The following ZCWPW2 variants were observed in gnomAD, a reference collection of about 807,000 sequenced individuals.
The protein encoded by ZCWPW2 is zinc finger CW-type PWWP domain protein 2.
In ZCWPW2, 45 loss-of-function variants were observed where a neutral mutation model predicts 46.6. The observed-to-expected ratio is 0.96, with a 90% confidence interval of 0.76 to 1.24. The LOEUF is 1.24. Ranked by LOEUF, ZCWPW2 falls within the 50% of genes most tolerant of loss-of-function variation. The pLI is 0.00. For synonymous variants in ZCWPW2, 152 were observed against 137.1 expected, an observed-to-expected ratio of 1.11 and a Z score of -0.76; for missense variants, 429 against 403.9, an observed-to-expected ratio of 1.06 and a Z score of -0.53.
At position 28,349,065 on chromosome 3, in the gene ZCWPW2, G is replaced by A; in HGVS notation, c.-272G>A. 1.0e-6 allele frequency: 1 copy of A among 985,810 alleles called. No homozygotes were observed. The highest frequency in any genetic ancestry group is 1.2e-6 in the Non-Finnish European group (1 of 830,202). The allele number at this position is 985,810 out of a possible 1,614,324, so 61.1% of individuals were successfully genotyped here. On this transcript the variant is annotated 5_prime_UTR_variant, in exon 1 of 10. Coordinates refer to ENST00000383768, the MANE Select transcript of ZCWPW2 (RefSeq NM_001040432.4). Reference sequence around the variant, plus strand: ...AGTCAGGCCCGAGGGAGCTGGGAGGGCGTTAGCGAAGCCAGGTTCGGTCGT... The same window carrying A: ...AGTCAGGCCCGAGGGAGCTGGGAGGACGTTAGCGAAGCCAGGTTCGGTCGT...
intron 4 of ZCWPW2, among the ~76,000 whole-genome samples, chr3:28,446,696 A>G (rs1480624132): frequency 6.6e-6 from 1 of 152,130 alleles, no homozygotes; most frequent in Non-Finnish European, 1.5e-5. Flanking sequence ...TATATAATAG[A>G]AAAACAATAG....
intron 1 of ZCWPW2, among the ~76,000 whole-genome samples, chr3:28,376,383 A>T (rs1294066894): frequency 6.6e-6 from 1 of 152,142 alleles, no homozygotes; most frequent in African/African-American, 2.4e-5. Flanking sequence ...ACATATTTTT[A>T]TATTACCCAT....
intron 8 of ZCWPW2, among the ~76,000 whole-genome samples, chr3:28,518,643 G>A (rs370843855): frequency 1.3e-5 from 2 of 152,220 alleles, no homozygotes; most frequent in South Asian, 4.1e-4. Context: ...AGCCTACAAT[G>A]CCATTTCGCA....
At chr3:28,497,963 G>T (rs1264607503) in intron 6 of ZCWPW2, among the ~76,000 whole-genome samples, 1 of 151,888 alleles carries the variant, frequency 6.6e-6, no homozygotes, top group Non-Finnish European at 1.5e-5. Context: ...AAAAGGAGTG[G>T]GTCTAGATTC....
chr3:28,441,257 G>C lies in ZCWPW2; in HGVS notation c.492+5988G>C, dbSNP rs144768845. Among the ~76,000 whole-genome samples, 386 of 152,260 alleles carry C rather than the reference G, an allele frequency of 2.5e-3. 1 individual carries two copies. The highest frequency in any genetic ancestry group is 8.4e-3 in the African/African-American group (350 of 41,552). The stretch of plus-strand genomic sequence containing the variant: ...TCACCGTTTTTGACCACTCAGAGAG[G>C]TCCATCCACATACCTCTTCCCCAAA... On this transcript the variant is annotated intron_variant, in intron 4 of 9. Coordinates refer to ENST00000383768, the MANE Select transcript of ZCWPW2 (RefSeq NM_001040432.4).
chr3:28,420,234 G>T (rs1298159848), intron 3 of ZCWPW2, among the ~76,000 whole-genome samples: 1 of 151,998 alleles, frequency 6.6e-6, no homozygotes, highest in Non-Finnish European at 1.5e-5. Flanking sequence ...TGGCGTTAGG[G>T]TGTCAGTTTT....
At chr3:28,429,372 G>A (rs952237334) in intron 3 of ZCWPW2, among the ~76,000 whole-genome samples, 1 of 152,142 alleles carries the variant, frequency 6.6e-6, no homozygotes, top group Non-Finnish European at 1.5e-5. Context: ...GAAATTTTAA[G>A]CAGCAATGTG....
Position 28,515,618 on chromosome 3 carries a change from A to G in ZCWPW2, c.781A>G (p.Arg261Gly). ...YSDDALSKEN[R>G]VVCETEVLLK... ...TGATGATGCCTTATCAAAGGAGAAC[A>G]GGGGTATGTGAAAGCCTGTCCTGCT... The change falls in exon 8 of 10, where the codon AGG becomes GGG. Residue 261 changes from arginine (R) to glycine (G), a missense_variant. Transcript: ENST00000383768. 6.2e-7 allele frequency: 1 copy of G among 1,603,876 alleles called. No homozygotes were observed.
chr3:28,488,530 G>C (rs909317193), intron 5 of ZCWPW2, among the ~76,000 whole-genome samples: 2 of 151,786 alleles, frequency 1.3e-5, no homozygotes, highest in Non-Finnish European at 2.9e-5. Context: ...GAATACACAA[G>C]GTTTAAAAAA....
intron 3 of ZCWPW2, among the ~76,000 whole-genome samples, chr3:28,433,017 A>C (rs936641652): frequency 6.6e-6 from 1 of 152,034 alleles, no homozygotes; most frequent in Non-Finnish European, 1.5e-5. Flanking sequence ...ATCCTCATCA[A>C]ATTGATTTTA....
intron 2 of ZCWPW2, among the ~76,000 whole-genome samples, chr3:28,393,144 G>T (rs1250252547): frequency 6.6e-6 from 1 of 151,742 alleles, no homozygotes; most frequent in Admixed American, 6.6e-5. Flanking sequence ...GAAATACAAA[G>T]GATCATAAGA....
intron 4 of ZCWPW2, among the ~76,000 whole-genome samples, chr3:28,476,718 A>G (rs6799435): frequency 0.21 from 31,780 of 152,054 alleles, 3,708 homozygotes; most frequent in Admixed American, 0.28. Context: ...AAATAGTTAT[A>G]TAACTCACCA....
At chr3:28,520,957 G>T in intron 8 of ZCWPW2, 35 bp from the exon 9 acceptor site, 1 of 1,609,298 alleles carries the variant, frequency 6.2e-7, no homozygotes, top group Non-Finnish European at 8.5e-7. Context: ...TAAGTGAGAT[G>T]TAGCATTTTT....
rs569987126 is a variant in ZCWPW2, at chr3:28,485,629, A to G, written c.611-6498A>G. ...TTCTTGGAGTATTGACCTCTTTATTATTATGTATGACCCTCTTTATTCTTG... is the reference window on the plus strand; with the variant it reads ...TTCTTGGAGTATTGACCTCTTTATTGTTATGTATGACCCTCTTTATTCTTG... On this transcript the variant is annotated intron_variant, in intron 5 of 9. Transcript: ENST00000383768. Among the ~76,000 whole-genome samples, 38 of 152,198 alleles carry G rather than the reference A, an allele frequency of 2.5e-4. 2 individuals carry two copies. In the South Asian group the frequency reaches 7.5e-3, roughly 30 times the overall value.
At chr3:28,364,704 T>TA (rs946471767) in intron 1 of ZCWPW2, among the ~76,000 whole-genome samples, 5 of 152,084 alleles carry the variant, frequency 3.3e-5, no homozygotes, top group African/African-American at 1.2e-4. Flanking sequence ...GCAGGTTAGT[T>TA]ACATATGTAT....
intron 2 of ZCWPW2, among the ~76,000 whole-genome samples, chr3:28,406,417 C>G (rs1019875842): frequency 2.6e-5 from 4 of 152,140 alleles, no homozygotes; most frequent in Non-Finnish European, 5.9e-5. Flanking sequence ...GTTGTCCAGT[C>G]ATAGCATGAG....
chr3:28,496,329 T>G (rs1699991378), intron 6 of ZCWPW2, among the ~76,000 whole-genome samples: 2 of 152,160 alleles, frequency 1.3e-5, no homozygotes, highest in Admixed American at 6.6e-5. Context: ...AAATAAACAT[T>G]TAGAAATATT....
At chr3:28,450,977 C>T (rs1364699605) in intron 4 of ZCWPW2, among the ~76,000 whole-genome samples, 1 of 152,152 alleles carries the variant, frequency 6.6e-6, no homozygotes, top group Admixed American at 6.5e-5. Context: ...GTAGGTAGGA[C>T]CAGTGGCTTG....
At chr3:28,444,238 C>G (rs1697892179) in intron 4 of ZCWPW2, among the ~76,000 whole-genome samples, 1 of 152,134 alleles carries the variant, frequency 6.6e-6, no homozygotes, top group African/African-American at 2.4e-5. Flanking sequence ...TAGCACGCCT[C>G]CTCATGGTCA....
Sources: allele counts gnomAD v4.1 joint callset (sites outside exome capture counted in the v4.1 genomes callset), GRCh38; gene constraint gnomAD v4.1.1; transcripts MANE v1.5; gene names NCBI Gene and HGNC (gene_info 2026-07-23, HGNC 2026-07-21).